The following SRP72 variants were observed in gnomAD, a reference collection of about 807,000 sequenced individuals.
SRP72 encodes the protein signal recognition particle 72, also known as signal recognition particle subunit SRP72.
A neutral mutation model predicts 96.3 loss-of-function variants in SRP72; 49 were observed. The ratio of observed to expected loss-of-function variants is 0.51; its 90% CI spans 0.40 to 0.65. The LOEUF is 0.65. Among genes scored for constraint, SRP72 ranks in the 30% least tolerant of loss-of-function variants. The pLI is 0.00. For missense variants in SRP72, 736 were observed against 793.3 expected (o/e 0.93, Z 0.87); for synonymous variants, 267 against 275.2 (o/e 0.97, Z 0.30).
intron 17 of SRP72, among the ~76,000 whole-genome samples, chr4:56,499,039 A>T (rs957145376): frequency 4.6e-5 from 7 of 152,234 alleles, no homozygotes; most frequent in African/African-American, 1.4e-4. Flanking sequence ...ACAGTAACCA[A>T]AACAGAATGG....
rs763100791 is a variant in SRP72, at chr4:56,490,624, T to C, written c.1481T>C (p.Val494Ala). 2 of 1,613,864 alleles carry C rather than the reference T, an allele frequency of 1.2e-6. No individual in the cohort carries two copies. The highest frequency in any genetic ancestry group is 1.7e-6 in the Non-Finnish European group (2 of 1,179,918). ...CAGCTTATTTCTGCTTACTCACTTG[T>C]AGATCCAGAGAAAGCCAAAGCGTAT... is the stretch of plus-strand genomic sequence containing the variant. Reference protein sequence around the residue: ...LAQLISAYSLVDPEKAKALSK... With the variant: ...LAQLISAYSLADPEKAKALSK... The change falls in exon 15 of 19, where the codon GTA (valine) becomes GCA (alanine). Residue 494 changes from valine (V) to alanine (A), a missense_variant. Physicochemically the swap from Val to Ala is moderately conservative, Grantham distance 64 (BLOSUM62 0). Coordinates refer to ENST00000642900, the MANE Select transcript of SRP72 (RefSeq NM_006947.4).
chr4:56,486,427 T>G, intron 11 of SRP72, 30 bp downstream of exon 11: 1 of 1,532,560 alleles, frequency 6.5e-7, no homozygotes, highest in Non-Finnish European at 8.9e-7. Flanking sequence ...GATTAAAATA[T>G]TTTAATGAAA....
chr4:56,499,314 C>T (rs1721180948), intron 17 of SRP72, among the ~76,000 whole-genome samples: 2 of 152,286 alleles, frequency 1.3e-5, no homozygotes, highest in African/African-American at 4.8e-5. Context: ...AGGACATAGG[C>T]ATGGGCAAGA....
chr4:56,500,569 C>A lies in SRP72; in HGVS notation c.1712C>A (p.Thr571Asn). The change falls in exon 18 of 19, where the codon ACC becomes AAC. Residue 571 changes from threonine (T) to asparagine (N), a missense_variant. By Grantham distance (65) the Thr-to-Asn change is moderately conservative (BLOSUM62 0). Coordinates refer to ENST00000642900, the MANE Select transcript of SRP72 (RefSeq NM_006947.4). The stretch of plus-strand genomic sequence containing the variant: ...CCTAAGAATTATGACCCAAAAGTTA[C>A]CCCAGATCCAGAAAGATGGCTGCCA... ...KLPKNYDPKV[T>N]PDPERWLPMR... The A allele has an allele frequency of 6.2e-7, 1 of 1,613,692 alleles. No individual in the cohort carries two copies. Among genetic ancestry groups the A allele is most frequent in the Non-Finnish European group, 8.5e-7 (1 of 1,179,806 alleles).
chr4:56,500,900 A>G (rs1171625883), intron 18 of SRP72, among the ~76,000 whole-genome samples: 1 of 152,194 alleles, frequency 6.6e-6, no homozygotes, highest in Admixed American at 6.5e-5. Flanking sequence ...ATTCAGTCAA[A>G]TAGTTTTAAG....
At chr4:56,476,273 C>G (rs1468881098) in intron 5 of SRP72, 1 of 208,394 alleles carries the variant, frequency 4.8e-6, no homozygotes, top group Non-Finnish European at 9.5e-6. Flanking sequence ...CAGAGTGAGA[C>G]CTCCAACTTT....
chr4:56,486,215 T>C (rs527716962), intron 10 of SRP72, 110 bp from the exon 11 acceptor site: 178 of 752,360 alleles, frequency 2.4e-4, no homozygotes, highest in Admixed American at 5.9e-4. Context: ...GCCAGAAGTT[T>C]AATGTTTTAA....
chr4:56,481,172 TTAAAG>T (rs1460358183), intron 8 of SRP72, among the ~76,000 whole-genome samples: 32 of 152,346 alleles, frequency 2.1e-4, no homozygotes, highest in African/African-American at 7.0e-4. Flanking sequence ...TTGCTGTACA[TTAAAG>T]TAGTTTCAAA....
Position 56,495,127 on chromosome 4 carries a change from C to T in SRP72, c.1641-230C>T, listed in dbSNP as rs1437850518. 8 of 316,084 alleles carry T rather than the reference C, an allele frequency of 2.5e-5. No homozygotes were observed. The South Asian group carries it at 3.7e-4, about 15-fold the overall frequency. 19.6% of individuals were successfully genotyped at this position (316,084 alleles called of 1,614,324 possible). On this transcript the variant is annotated intron_variant, in intron 16 of 18. Coordinates refer to ENST00000642900, the MANE Select transcript of SRP72 (RefSeq NM_006947.4). ...TTTCAGTGTAAACAGAATCTGTTTT[C>T]GAATTGTCACCTCTGTTTTCTAAAC...
At chr4:56,482,387 G>A (rs1002387192) in intron 8 of SRP72, among the ~76,000 whole-genome samples, 3 of 151,838 alleles carry the variant, frequency 2.0e-5, no homozygotes, top group Non-Finnish European at 4.4e-5. Context: ...GGCGGAGCTG[G>A]TAGTGAGCTG....
rs1721325206 is a variant in SRP72 at position 56,503,138 on chromosome 4, TC to T, written c.*1279del. ...TCAAAGAGTTTTTTATGAAAGACTT[TC>T]CTCCTTTACAAGAAAGAAATGGGGT... On this transcript the variant is annotated 3_prime_UTR_variant, in exon 19 of 19. Coordinates refer to ENST00000642900, the MANE Select transcript of SRP72 (RefSeq NM_006947.4). 1 of 152,208 alleles carries T rather than the reference TC, an allele frequency of 6.6e-6. No individual in the cohort carries two copies. The highest frequency in any genetic ancestry group is 2.1e-4 in the South Asian group (1 of 4,834). The allele number at this position is 152,208 out of a possible 1,614,324, so 9.4% of individuals were successfully genotyped here.
Position 56,487,997 on chromosome 4 carries a change from A to G in SRP72, c.1208A>G (p.Lys403Arg). 1 of 1,598,396 alleles carries G rather than the reference A, an allele frequency of 6.3e-7. No homozygotes were observed. Among genetic ancestry groups the G allele is most frequent in the Non-Finnish European group, 8.5e-7 (1 of 1,176,162 alleles). ...ATATTGAGAAGCATAGAGGAGTTAA[A>G]GCATAAACCAGGCATGGTGAGTTTT... ...CLILRSIEELKHKPGMVSALV... is the reference protein window; with the variant it reads ...CLILRSIEELRHKPGMVSALV... The change falls in exon 12 of 19, where the codon AAG (lysine) becomes AGG (arginine). Residue 403 changes from lysine to arginine, a missense_variant. Physicochemically the swap from Lys to Arg is conservative, Grantham distance 26 (BLOSUM62 2). Transcript: ENST00000642900.
intron 11 of SRP72, 125 bp downstream of exon 11, chr4:56,486,522 A>C (rs1185058100): frequency 2.9e-6 from 2 of 691,730 alleles, no homozygotes; most frequent in Non-Finnish European, 4.5e-6. Context: ...TTACTGTTTC[A>C]AACATGCAGC....
chr4:56,469,860 CTGA>C, intron 2 of SRP72, 87 bp downstream of exon 2: 1 of 1,281,652 alleles, frequency 7.8e-7, no homozygotes, highest in Non-Finnish European at 1.0e-6. Flanking sequence ...CAACTATTTG[CTGA>C]TTTTTTTTAA....
At chr4:56,488,512 T>C (rs1720796648) in intron 12 of SRP72, among the ~76,000 whole-genome samples, 1 of 152,210 alleles carries the variant, frequency 6.6e-6, no homozygotes, top group Non-Finnish European at 1.5e-5. Flanking sequence ...ATGGCCTCTG[T>C]GCAGTTGGCA....
chr4:56,467,753 C>T lies in SRP72; in HGVS notation c.109+9C>T. 1.7e-6 allele frequency: 1 copy of T among 574,544 alleles called. No individual in the cohort carries two copies. Among genetic ancestry groups the T allele is most frequent in the Non-Finnish European group, 2.8e-6 (1 of 356,240 alleles). 35.6% of individuals were successfully genotyped at this position (574,544 alleles called of 1,614,324 possible). On this transcript the variant is annotated intron_variant, in intron 1 of 18. Transcript: ENST00000642900. ...CAAGACCGTCAATAAGAGTAAGTGT[C>T]GGGGTGGGCACTGGGGCGGGCCCAG...
At position 56,491,608 on chromosome 4, in the gene SRP72, A is replaced by T. The variant is rs761145765; in HGVS notation, c.1640+40A>T. The T allele has an allele frequency of 3.8e-6, 6 of 1,567,640 alleles. No individual in the cohort carries two copies. In the South Asian group the frequency reaches 6.9e-5, roughly 18 times the overall value. On this transcript the variant is annotated intron_variant, in intron 16 of 18. Transcript: ENST00000642900. ...TGTAACGTTCTCTAATGCTGATTTT[A>T]AATTAGACAAGGAATAAAAAATACA... is the stretch of plus-strand genomic sequence containing the variant.
intron 15 of SRP72, among the ~76,000 whole-genome samples, 171 bp downstream of exon 15, chr4:56,490,816 C>T (rs755878860): frequency 3.9e-5 from 6 of 152,050 alleles, no homozygotes; most frequent in East Asian, 3.9e-4. Context: ...CTGAAAAATG[C>T]GGCGATAGAT....
At chr4:56,485,400 C>CCAAAAAAAAAAAAAAA (rs766330733) in intron 10 of SRP72, among the ~76,000 whole-genome samples, 1 of 92,408 alleles carries the variant, frequency 1.1e-5, no homozygotes, top group Non-Finnish European at 2.5e-5. Context: ...CTCCCCACAG[C>CCAAAAAAAAAAAAAAA]AAAAAAAAAA....
Sources: gnomAD v4.1 joint callset for allele counts (sites outside exome capture counted in the v4.1 genomes callset) on GRCh38, gnomAD v4.1.1 for gene constraint, MANE v1.5 for transcripts, NCBI Gene and HGNC (gene_info 2026-07-23, HGNC 2026-07-21) for gene names.